The following TEKT1 variants were observed in gnomAD, a reference collection of about 807,000 sequenced individuals.
The protein encoded by TEKT1 is tektin-1.
In TEKT1, 32 loss-of-function variants were observed where a neutral mutation model predicts 34.8. The observed-to-expected ratio is 0.92, with a 90% CI of 0.69 to 1.23. The LOEUF (loss-of-function observed/expected upper bound fraction) is 1.23, where lower values mean the gene tolerates loss of function less well. TEKT1 is among the 50% of genes most tolerant of loss of function. The pLI is 0.00. For synonymous variants in TEKT1, 207 were observed against 199.8 expected (o/e 1.04, Z -0.30); for missense variants, 492 against 518.5 (o/e 0.95, Z 0.50).
In TEKT1 at chr17:6,830,088, T is replaced by C. The variant is rs114480045; in HGVS notation, c.190+99A>G. The C allele has an allele frequency of 2.2e-3, 2,675 of 1,205,164 alleles. 59 individuals carry two copies. The African/African-American group carries it at 0.038, about 17-fold the overall frequency. 74.7% of individuals were successfully genotyped at this position (1,205,164 alleles called of 1,614,324 possible). A position where few individuals can be genotyped will look rare whatever the true frequency, so the allele number is the denominator to read the frequency against. Reference sequence around the variant, plus strand: ...GAATACACATGATTTTCTCTAATATTCAAAAATAATATGTTGCCACATCTG... The same window carrying C: ...GAATACACATGATTTTCTCTAATATCCAAAAATAATATGTTGCCACATCTG... On this transcript the variant is annotated intron_variant, in intron 2 of 7. Coordinates refer to ENST00000338694, the MANE Select transcript of TEKT1 (RefSeq NM_053285.2).
intron 3 of TEKT1, 106 bp downstream of exon 3, chr17:6,819,087 T>G: frequency 2.9e-6 from 4 of 1,366,502 alleles, no homozygotes; most frequent in Non-Finnish European, 4.0e-6. Context: ...AAAGAACACC[T>G]GCTCAAGTGC....
chr17:6,831,291 C>T (rs1904567372), intron 1 of TEKT1, among the ~76,000 whole-genome samples: 1 of 152,174 alleles, frequency 6.6e-6, no homozygotes, highest in South Asian at 2.1e-4. Flanking sequence ...CCCCCACTCC[C>T]ATCTCTACCC....
At position 6,800,077 on chromosome 17, in the gene TEKT1, CCCCA is replaced by C. The variant is rs780995424; in HGVS notation, c.1203_1206del (p.Asp401GlufsTer27). ...CCCCCAGCCCAGACCCCATGGTCTT[CCCCA>C]TCCCGAAGTGGGATGGATTTCCTCA... is the stretch of plus-strand genomic sequence containing the variant. On this transcript the variant is annotated frameshift_variant, in exon 8 of 8. Coordinates refer to ENST00000338694, the MANE Select transcript of TEKT1 (RefSeq NM_053285.2). LOFTEE classifies it low-confidence loss of function (END_TRUNC). The C allele has an allele frequency of 2.0e-5, 33 of 1,612,970 alleles. No individual in the cohort carries two copies. The highest frequency in any genetic ancestry group is 2.7e-5 in the Non-Finnish European group (32 of 1,180,038).
chr17:6,801,264 G>T (rs896736793), intron 6 of TEKT1, among the ~76,000 whole-genome samples: 5 of 152,072 alleles, frequency 3.3e-5, no homozygotes, highest in Non-Finnish European at 7.4e-5. Flanking sequence ...CTTGGTACAG[G>T]GTACCTTTGT....
chr17:6,808,319 C>T (rs947586837), intron 6 of TEKT1, among the ~76,000 whole-genome samples: 6 of 152,168 alleles, frequency 3.9e-5, no homozygotes, highest in South Asian at 2.1e-4. Flanking sequence ...GTTGGGAAAG[C>T]GCAGTATTAG....
chr17:6,822,861 CT>C (rs1421837241), intron 2 of TEKT1, among the ~76,000 whole-genome samples: 1 of 152,214 alleles, frequency 6.6e-6, no homozygotes, highest in Non-Finnish European at 1.5e-5. Context: ...CCTGGAAATG[CT>C]GTCTAGAGGG....
intron 4 of TEKT1, 33 bp downstream of exon 4, chr17:6,815,801 T>C: frequency 1.9e-6 from 3 of 1,611,902 alleles, no homozygotes; most frequent in Non-Finnish European, 2.5e-6. Context: ...AAATTCCCAG[T>C]GGAGATTTGG....
At chr17:6,819,712 G>A (rs1184304825) in intron 2 of TEKT1, among the ~76,000 whole-genome samples, 1 of 152,180 alleles carries the variant, frequency 6.6e-6, no homozygotes, top group Non-Finnish European at 1.5e-5. Flanking sequence ...ATTTGAGACG[G>A]AGTCTCACTG....
At position 6,798,196 on chromosome 17, in the gene TEKT1, C is replaced by T. The variant is rs753798293; in HGVS notation, c.*1831G>A. On this transcript the variant is annotated 3_prime_UTR_variant, in exon 8 of 8. Coordinates refer to ENST00000338694, the MANE Select transcript of TEKT1 (RefSeq NM_053285.2). ...ATTTACAGATTAGGCAACTGAAGCT[C>T]GGGGAAGTTGAGTAACTTGGCGGGG... The T allele has an allele frequency of 1.3e-5, 2 of 152,158 alleles. No individual in the cohort carries two copies. The highest frequency in any genetic ancestry group is 2.4e-5 in the African/African-American group (1 of 41,416). The allele number at this position is 152,158 out of a possible 1,614,324, so 9.4% of individuals were successfully genotyped here.
At chr17:6,807,176 C>A (rs1939184034) in intron 6 of TEKT1, among the ~76,000 whole-genome samples, 1 of 152,144 alleles carries the variant, frequency 6.6e-6, no homozygotes, top group Non-Finnish European at 1.5e-5. Flanking sequence ...TCTTTTCATT[C>A]TTTTTTCTCT....
intron 2 of TEKT1, among the ~76,000 whole-genome samples, chr17:6,823,739 G>A (rs1440100019): frequency 2.6e-5 from 4 of 151,166 alleles, no homozygotes; most frequent in African/African-American, 9.7e-5. Context: ...ATTTATTTTG[G>A]CTCAGCTCTC....
rs1904350716 is a variant in TEKT1 at position 6,824,783 on chromosome 17, C to T, written c.190+5404G>A. Among the ~76,000 whole-genome samples, 3 of 152,118 alleles carry T rather than the reference C, an allele frequency of 2.0e-5. No homozygotes were observed. The South Asian group carries it at 6.2e-4, about 31-fold the overall frequency. On this transcript the variant is annotated intron_variant, in intron 2 of 7. Transcript: ENST00000338694. ...AATGAACGAGCTCTGATCCCATTAACCAGGATAGGGAACTACAGAAGCAGA... is the reference window on the plus strand; with the variant it reads ...AATGAACGAGCTCTGATCCCATTAATCAGGATAGGGAACTACAGAAGCAGA...
intron 6 of TEKT1, among the ~76,000 whole-genome samples, chr17:6,803,404 C>T (rs1433028752): frequency 6.6e-6 from 1 of 152,032 alleles, no homozygotes. Flanking sequence ...TTCCATTCTG[C>T]AGGTTGCCTG....
rs767719905 is a variant in TEKT1, at chr17:6,813,045, C to A, written c.638G>T (p.Ser213Ile). 1 of 1,613,460 alleles carries A rather than the reference C, an allele frequency of 6.2e-7. No individual in the cohort carries two copies. The highest frequency in any genetic ancestry group is 1.7e-5 in the Admixed American group (1 of 60,018). ...NAVRIEPNSV[S>I]LEDWLDFSST... ...GGAGAAGTCCAACCAGTCTTCCAGA[C>A]TCACGGAGCTGAAACAGACCTCACG... Residue 213 changes from serine (S) to isoleucine (I), a missense_variant, in exon 6 of 8, where the codon AGT (serine) becomes ATT (isoleucine). Coordinates refer to ENST00000338694, the MANE Select transcript of TEKT1 (RefSeq NM_053285.2).
Position 6,799,974 on chromosome 17 carries a change from C to A in TEKT1, c.*53G>T. 6.5e-7 allele frequency: 1 copy of A among 1,540,156 alleles called. No homozygotes were observed. The highest frequency in any genetic ancestry group is 1.2e-5 in the South Asian group (1 of 83,310). ...AGCCTGAAATGAGAGCTCTGTACTACTGTAACTACTGTTTACAATGTGGTT... is the reference window on the plus strand; with the variant it reads ...AGCCTGAAATGAGAGCTCTGTACTAATGTAACTACTGTTTACAATGTGGTT... On this transcript the variant is annotated 3_prime_UTR_variant, in exon 8 of 8. Transcript: ENST00000338694.
chr17:6,829,047 A>G (rs1904489280), intron 2 of TEKT1, among the ~76,000 whole-genome samples: 1 of 152,116 alleles, frequency 6.6e-6, no homozygotes, highest in South Asian at 2.1e-4. Flanking sequence ...GCTACTCAGG[A>G]GGCTGAGGCA....
chr17:6,830,923 T>G (rs1230715762), intron 1 of TEKT1, among the ~76,000 whole-genome samples: 3 of 152,146 alleles, frequency 2.0e-5, no homozygotes, highest in Non-Finnish European at 4.4e-5. Flanking sequence ...TATGCATTTT[T>G]ATAACTCATT....
intron 2 of TEKT1, among the ~76,000 whole-genome samples, chr17:6,827,429 T>A (rs1247437071): frequency 1.3e-5 from 2 of 151,766 alleles, no homozygotes; most frequent in Admixed American, 6.6e-5. Context: ...GCCCAGCTAA[T>A]TTTTTTGTAC....
chr17:6,827,152 T>C (rs1904431612), intron 2 of TEKT1, among the ~76,000 whole-genome samples: 1 of 152,154 alleles, frequency 6.6e-6, no homozygotes, highest in Non-Finnish European at 1.5e-5. Flanking sequence ...AACAGGTCTA[T>C]CCTCACTTAT....
Sources: allele counts gnomAD v4.1 joint callset (sites outside exome capture counted in the v4.1 genomes callset), GRCh38; gene constraint gnomAD v4.1.1; transcripts MANE v1.5; gene names NCBI Gene and HGNC (gene_info 2026-07-23, HGNC 2026-07-21).